L3HYPDH: variants seen among roughly 807,000 people sequenced by gnomAD.
L3HYPDH encodes trans-3-hydroxy-L-proline dehydratase.
L3HYPDH carries 32 observed loss-of-function variants against 26.5 expected under a neutral mutation model. That is an observed-to-expected ratio of 1.21 (90% CI 0.91 to 1.62). The LOEUF is 1.62. Ranked by LOEUF, L3HYPDH falls within the 40% of genes most tolerant of loss-of-function variation. The probability of loss-of-function intolerance (pLI) is 0.00; values close to 1 mark genes in which losing one functional copy is unlikely to be tolerated. For synonymous variants in L3HYPDH, 215 were observed against 196.6 expected, an observed-to-expected ratio of 1.09 and a Z score of -0.78; for missense variants, 554 against 476.4, an observed-to-expected ratio of 1.16 and a Z score of -1.52.
At chr14:59,497,608 A>AT in the L3HYPDH span, among the ~76,000 whole-genome samples, 8 of 152,328 alleles carry the variant, frequency 5.3e-5, no homozygotes, top group South Asian at 1.7e-3. Flanking sequence ...GAGGTAACAC[A>AT]TAATGGTTTC....
chr14:59,494,915 C>A, the L3HYPDH span: 2 of 807,378 alleles, frequency 2.5e-6, no homozygotes, highest in Non-Finnish European at 2.0e-6. Flanking sequence ...TTTGACTTTT[C>A]TTATAGATTT....
the L3HYPDH span, among the ~76,000 whole-genome samples, chr14:59,502,693 T>C: frequency 6.6e-6 from 1 of 150,662 alleles, no homozygotes; most frequent in Non-Finnish European, 1.5e-5. Context: ...TTATCAACTC[T>C]AGGGAAAGAT....
In L3HYPDH at chr14:59,475,941, A is replaced by G. The variant is rs1889594658; in HGVS notation, c.867T>C (p.Leu289=). 1 of 1,613,838 alleles carries G rather than the reference A, an allele frequency of 6.2e-7. No individual in the cohort carries two copies. Among genetic ancestry groups the G allele is most frequent in the African/African-American group, 1.3e-5 (1 of 74,918 alleles). The change falls in exon 4 of 5, where the codon CTT becomes CTC. Residue 289 remains leucine (L), a synonymous_variant. Coordinates refer to ENST00000247194, the MANE Select transcript of L3HYPDH (RefSeq NM_144581.2). The part of the protein sequence containing the change: ...ARIALQYHKG[L]LELNQMRAFK... ...AGGCTCTCATCTGGTTCAGTTCCAG[A>G]AGCCCTTTGTGATACTGTAAGGCAA...
rs201262081 is a variant in L3HYPDH, at chr14:59,473,085, C to T, written c.945G>A (p.Ala315=). Residue 315 remains alanine (A), a synonymous_variant, in exon 5 of 5, where the codon GCG becomes GCA. Transcript: ENST00000247194. Reference sequence around the variant, plus strand: ...TAACAGCTTTAAAATCACCACATTTCGCTTCCTGAAAAAAGATGAAGGGAG... The same window carrying T: ...TAACAGCTTTAAAATCACCACATTTTGCTTCCTGAAAAAAGATGAAGGGAG... ...SVFTGKAVRE[A]KCGDFKAVIV... 2.8e-5 allele frequency: 45 copies of T among 1,588,444 alleles called. No individual in the cohort carries two copies. The highest frequency in any genetic ancestry group is 1.7e-4 in the Middle Eastern group (1 of 5,934).
the L3HYPDH span, chr14:59,503,853 G>C: frequency 6.3e-7 from 1 of 1,596,524 alleles, no homozygotes; most frequent in Non-Finnish European, 8.6e-7. Context: ...AAATTATATA[G>C]AACTGCTATG....
At chr14:59,499,860 G>C in the L3HYPDH span, among the ~76,000 whole-genome samples, 2 of 152,288 alleles carry the variant, frequency 1.3e-5, no homozygotes, top group Non-Finnish European at 2.9e-5. Flanking sequence ...GTTCCCTCTA[G>C]CTCCTCTATT....
chr14:59,503,585 T>C, the L3HYPDH span, among the ~76,000 whole-genome samples: 4 of 152,172 alleles, frequency 2.6e-5, no homozygotes, highest in Non-Finnish European at 4.4e-5. Context: ...GAGTGAATGA[T>C]GGCATAGACT....
chr14:59,483,321 T>C (rs1890186303), intron 1 of L3HYPDH, among the ~76,000 whole-genome samples: 1 of 152,176 alleles, frequency 6.6e-6, no homozygotes, highest in Non-Finnish European at 1.5e-5. Context: ...ATAAACTGCT[T>C]TGTTCATTCA....
In L3HYPDH at chr14:59,478,974, C is replaced by T. The variant is rs186156573; in HGVS notation, c.678+208G>A. 8.3e-4 allele frequency: 353 copies of T among 423,770 alleles called. 1 individual carries two copies. The highest frequency in any genetic ancestry group is 6.1e-3 in the African/African-American group (295 of 48,730). The allele number at this position is 423,770 out of a possible 1,614,324, so 26.3% of individuals were successfully genotyped here. On this transcript the variant is annotated intron_variant, in intron 2 of 4. Transcript: ENST00000247194. The stretch of plus-strand genomic sequence containing the variant: ...GAAAGTTTACAAAATTTGTGTTGGG[C>T]CACATTCAAAGCCATCCTGGGCTGC...
At chr14:59,471,058 G>A (rs1455135885), downstream of L3HYPDH, among the ~76,000 whole-genome samples, 1 of 151,606 alleles carries the variant, frequency 6.6e-6, no homozygotes, top group Admixed American at 6.6e-5. Flanking sequence ...GCAGTATTGA[G>A]AAGGCAGAAT....
downstream of L3HYPDH, among the ~76,000 whole-genome samples, chr14:59,470,343 A>G (rs1216841126): frequency 6.6e-6 from 1 of 152,238 alleles, no homozygotes; most frequent in Non-Finnish European, 1.5e-5. Context: ...TAAGATTCCC[A>G]GGTGATTCAC....
chr14:59,499,809 G>C, the L3HYPDH span, among the ~76,000 whole-genome samples: 1 of 152,120 alleles, frequency 6.6e-6, no homozygotes, highest in Non-Finnish European at 1.5e-5. Context: ...GTTTACAGAT[G>C]AACTGTTTCA....
chr14:59,484,307 C>T lies in L3HYPDH; in HGVS notation c.10G>A (p.Ala4Thr). 6.3e-7 allele frequency: 1 copy of T among 1,588,334 alleles called. No individual in the cohort carries two copies. The highest frequency in any genetic ancestry group is 1.1e-5 in the South Asian group (1 of 89,590). ...GGGGGCAGCCGGGGCACCGCCAGCGCGCTCTCCATGGTCTGCGTCGGGGGA... is the reference window on the plus strand; with the variant it reads ...GGGGGCAGCCGGGGCACCGCCAGCGTGCTCTCCATGGTCTGCGTCGGGGGA... MES[A>T]LAVPRLPPHD... The change falls in exon 1 of 5, where the codon GCG (alanine) becomes ACG (threonine). Residue 4 changes from alanine to threonine, a missense_variant. Ala to Thr is a moderately conservative substitution (Grantham distance 58). Transcript: ENST00000247194.
chr14:59,484,237 G>A lies in L3HYPDH; in HGVS notation c.80C>T (p.Thr27Met), dbSNP rs1000288459. 57 of 1,598,180 alleles carry A rather than the reference G, an allele frequency of 3.6e-5. No individual in the cohort carries two copies. Among genetic ancestry groups the A allele is most frequent in the Non-Finnish European group, 4.3e-5 (51 of 1,179,716 alleles). Residue 27 changes from threonine (T) to methionine (M), a missense_variant, in exon 1 of 5, where the codon ACG (threonine) becomes ATG (methionine). Coordinates refer to ENST00000247194, the MANE Select transcript of L3HYPDH (RefSeq NM_144581.2). Reference protein sequence around the residue: ...TPVLSVVDMHTGGEPLRIVLA... With the variant: ...TPVLSVVDMHMGGEPLRIVLA... ...CACGATACGCAAGGGCTCGCCGCCC[G>A]TGTGCATGTCCACCACCGACAGCAC...
chr14:59,488,931 G>A (rs1428227522), upstream of L3HYPDH, among the ~76,000 whole-genome samples: 1 of 152,186 alleles, frequency 6.6e-6, no homozygotes, highest in Non-Finnish European at 1.5e-5. Context: ...GAAAAATAAG[G>A]AAGACAGCCT....
In L3HYPDH at chr14:59,473,057, C is replaced by G. The variant is rs756852521; in HGVS notation, c.973G>C (p.Val325Leu). ...TAATGGGCTTGTCCTGATACTTCCA[C>G]TATAACAGCTTTAAAATCACCACAT... is the stretch of plus-strand genomic sequence containing the variant. ...AKCGDFKAVI[V>L]EVSGQAHYTG... is the part of the protein sequence containing the mutation. The change falls in exon 5 of 5, where the codon GTG (valine) becomes CTG (leucine). Residue 325 changes from valine to leucine, a missense_variant. Coordinates refer to ENST00000247194, the MANE Select transcript of L3HYPDH (RefSeq NM_144581.2). 1 of 1,603,372 alleles carries G rather than the reference C, an allele frequency of 6.2e-7. No individual in the cohort carries two copies. The highest frequency in any genetic ancestry group is 1.1e-5 in the South Asian group (1 of 89,046).
At chr14:59,502,048 G>A in the L3HYPDH span, among the ~76,000 whole-genome samples, 1 of 152,114 alleles carries the variant, frequency 6.6e-6, no homozygotes. Flanking sequence ...AGAAGTAGTA[G>A]TGTATTTGAC....
the L3HYPDH span, chr14:59,504,301 GGCC>G: frequency 4.1e-6 from 2 of 493,594 alleles, no homozygotes; most frequent in Non-Finnish European, 7.2e-6. Flanking sequence ...TACACTGGAA[GGCC>G]GCTAGGAAGC....
At chr14:59,494,307 TTAAC>T in the L3HYPDH span, among the ~76,000 whole-genome samples, 3 of 152,148 alleles carry the variant, frequency 2.0e-5, no homozygotes, top group South Asian at 2.1e-4. Flanking sequence ...TGCAACACAT[TTAAC>T]TAACCACAGA....
Sources: allele counts gnomAD v4.1 joint callset (sites outside exome capture counted in the v4.1 genomes callset), GRCh38; gene constraint gnomAD v4.1.1; transcripts MANE v1.5; gene names NCBI Gene and HGNC (gene_info 2026-07-23, HGNC 2026-07-21).